Variants in SLC26A5 observed in about 807,000 individuals in gnomAD.
SLC26A5 encodes solute carrier family 26 member 5, also known as prestin.
Under a neutral mutation model 81.0 loss-of-function variants are expected in SLC26A5, and 51 were observed. The ratio of observed to expected loss-of-function variants is 0.63; its 90% CI spans 0.50 to 0.80. The LOEUF (loss-of-function observed/expected upper bound fraction) is 0.80. Ranked by LOEUF, SLC26A5 falls within the 30% of genes least tolerant of loss-of-function variation. The pLI, the probability that SLC26A5 is intolerant of heterozygous loss-of-function variation, is 0.00. For synonymous variants in SLC26A5, 325 were observed against 332.8 expected (o/e 0.98, Z 0.25); for missense variants, 771 against 905.8 (o/e 0.85, Z 1.91).
At chr7:103,415,627 G>A (rs1194871963) in intron 4 of SLC26A5, among the ~76,000 whole-genome samples, 1 of 152,150 alleles carries the variant, frequency 6.6e-6, no homozygotes, top group Non-Finnish European at 1.5e-5. Context: ...AAATATGTTT[G>A]TATCATGATT....
intron 7 of SLC26A5, among the ~76,000 whole-genome samples, chr7:103,409,146 T>C (rs1824284459): frequency 3.9e-5 from 6 of 152,258 alleles, no homozygotes; most frequent in Admixed American, 2.0e-4. Flanking sequence ...TTCTTCTTCA[T>C]AGCACTCAAC....
At chr7:103,385,682 T>C (rs1822131675) in intron 14 of SLC26A5, among the ~76,000 whole-genome samples, 1 of 151,572 alleles carries the variant, frequency 6.6e-6, no homozygotes, top group South Asian at 2.1e-4. Flanking sequence ...AGTAGAGCTT[T>C]TATTTTTTTC....
intron 19 of SLC26A5, chr7:103,366,213 C>A (rs1244221067): frequency 1.4e-6 from 2 of 1,478,060 alleles, no homozygotes; most frequent in Admixed American, 1.7e-5. Context: ...TTCATGAAAG[C>A]TGTAAAGTGA....
At chr7:103,371,095 G>A (rs1249853269), downstream of SLC26A5, among the ~76,000 whole-genome samples, 1 of 152,174 alleles carries the variant, frequency 6.6e-6, no homozygotes, top group Non-Finnish European at 1.5e-5. Context: ...GGAAATTTTT[G>A]CTGTATGAAA....
At chr7:103,416,409 G>C (rs1562789513) in intron 4 of SLC26A5, among the ~76,000 whole-genome samples, 1 of 152,234 alleles carries the variant, frequency 6.6e-6, no homozygotes, top group Non-Finnish European at 1.5e-5. Flanking sequence ...AGTAAACAAA[G>C]TAGAGAAGGG....
chr7:103,362,002 T>C (rs1820441348), intron 19 of SLC26A5: 5 of 1,613,870 alleles, frequency 3.1e-6, no homozygotes, highest in South Asian at 1.1e-5. Context: ...CAAAATACAT[T>C]ATCAACGTAA....
chr7:103,388,906 C>G (rs2116456705), intron 14 of SLC26A5, 102 bp downstream of exon 14: 1 of 811,882 alleles, frequency 1.2e-6, no homozygotes, highest in East Asian at 2.6e-5. Flanking sequence ...TAGAAATCAT[C>G]AAAGGGCTCC....
Position 103,390,435 on chromosome 7 carries a change from C to T in SLC26A5, c.1305G>A (p.Leu435=). 1 of 1,613,920 alleles carries T rather than the reference C, an allele frequency of 6.2e-7. No individual in the cohort carries two copies. Among genetic ancestry groups the T allele is most frequent in the Non-Finnish European group, 8.5e-7 (1 of 1,179,852 alleles). The change falls in exon 12 of 20, where the codon TTG becomes TTA. Residue 435 remains leucine, a synonymous_variant. Transcript: ENST00000306312. ...AAGTCCACATTACACACACCTGGGGCAATGATTCAAAGAGGAATCCAGTTG... is the reference window on the plus strand; with the variant it reads ...AAGTCCACATTACACACACCTGGGGTAATGATTCAAAGAGGAATCCAGTTG... ...ILATGFLFES[L]PQAVLSAIVI... is the part of the protein sequence containing the mutation.
At chr7:103,388,109 G>C (rs1822341426) in intron 14 of SLC26A5, among the ~76,000 whole-genome samples, 1 of 151,158 alleles carries the variant, frequency 6.6e-6, no homozygotes. Flanking sequence ...GGCTGGTCTT[G>C]GCCTCAAGTG....
At chr7:103,433,734 A>C in intron 2 of SLC26A5, among the ~76,000 whole-genome samples, 3 of 131,232 alleles carry the variant, frequency 2.3e-5, no homozygotes, top group Admixed American at 1.7e-4. Flanking sequence ...ACAGAGTCTC[A>C]CTCTGTCGCC....
At chr7:103,429,148 T>C (rs1825894277) in intron 2 of SLC26A5, among the ~76,000 whole-genome samples, 1 of 152,206 alleles carries the variant, frequency 6.6e-6, no homozygotes, top group Admixed American at 6.5e-5. Flanking sequence ...CTAGAATGGA[T>C]TCAGTTGTCT....
chr7:103,390,562 G>A, intron 11 of SLC26A5, 56 bp from the exon 12 acceptor site: 2 of 1,411,484 alleles, frequency 1.4e-6, no homozygotes, highest in South Asian at 1.2e-5. Flanking sequence ...TAAGAGGCAG[G>A]GCATAAGTTG....
At chr7:103,441,367 C>A (rs1256237388) in intron 2 of SLC26A5, among the ~76,000 whole-genome samples, 2 of 152,144 alleles carry the variant, frequency 1.3e-5, no homozygotes, top group African/African-American at 4.8e-5. Context: ...AGTCCTAACT[C>A]TAAATTTAAG....
chr7:103,389,998 A>G lies in SLC26A5; in HGVS notation c.1311+431T>C, dbSNP rs144759688. On this transcript the variant is annotated intron_variant, in intron 12 of 19. Transcript: ENST00000306312. ...GGTTCAGAATTAAACTTGGTACTCA[A>G]GGAATTATTTCACCTATGGTCTTTC... Among the ~76,000 whole-genome samples the G allele has an allele frequency of 2.0e-5, 3 of 152,308 alleles. No individual in the cohort carries two copies. In the East Asian group the frequency reaches 5.8e-4, roughly 29 times the overall value.
At chr7:103,378,705 T>C (rs1821544997) in intron 16 of SLC26A5, 152 bp from the exon 17 acceptor site, 1 of 729,606 alleles carries the variant, frequency 1.4e-6, no homozygotes, top group Non-Finnish European at 2.5e-6. Flanking sequence ...GGCCCTGAAC[T>C]GGTTACTCCC....
intron 1 of SLC26A5, chr7:103,445,643 G>A (rs554479582): frequency 6.6e-6 from 1 of 152,360 alleles, no homozygotes; most frequent in East Asian, 1.9e-4. Context: ...GCCAATGCCG[G>A]GCAAGCCCAG....
At chr7:103,371,902 G>A (rs559183815), downstream of SLC26A5, among the ~76,000 whole-genome samples, 35 of 150,936 alleles carry the variant, frequency 2.3e-4, no homozygotes, top group East Asian at 4.7e-3. Flanking sequence ...TCACCATGAT[G>A]GCCAGGCTGG....
At chr7:103,441,921 G>A (rs1310474688) in intron 2 of SLC26A5, among the ~76,000 whole-genome samples, 1 of 152,216 alleles carries the variant, frequency 6.6e-6, no homozygotes, top group Non-Finnish European at 1.5e-5. Flanking sequence ...GGTTACCACA[G>A]AGGAGGCGCA....
At chr7:103,388,193 G>GTTTTTTT (rs897201043) in intron 14 of SLC26A5, among the ~76,000 whole-genome samples, 2 of 114,932 alleles carry the variant, frequency 1.7e-5, no homozygotes, top group African/African-American at 3.5e-5. Context: ...AGCCCATAAA[G>GTTTTTTT]TTTTTTTTTT....
Sources: allele counts gnomAD v4.1 joint callset (sites outside exome capture counted in the v4.1 genomes callset), GRCh38; gene constraint gnomAD v4.1.1; transcripts MANE v1.5; gene names NCBI Gene and HGNC (gene_info 2026-07-23, HGNC 2026-07-21).